Variants in COG2 observed in about 807,000 individuals in gnomAD.
COG2 encodes the protein conserved oligomeric Golgi complex subunit 2.
COG2 carries 52 observed loss-of-function variants against 90.6 expected under a neutral mutation model. The observed-to-expected ratio is 0.57, with a 90% CI of 0.46 to 0.72. COG2 has a LOEUF of 0.72. COG2 is among the 30% of genes least tolerant of loss of function. The pLI is 0.00. For missense variants in COG2, 829 were observed against 891.2 expected, an observed-to-expected ratio of 0.93 and a Z score of 0.89; for synonymous variants, 337 against 320.4, an observed-to-expected ratio of 1.05 and a Z score of -0.55.
At chr1:230,679,540 G>A (rs1438516553) in intron 10 of COG2, 1 of 152,316 alleles carries the variant, frequency 6.6e-6, no homozygotes, top group Non-Finnish European at 1.5e-5. Flanking sequence ...TTTATGAGAA[G>A]CCTGGTCATT....
chr1:230,669,044 A>G (rs1380057437), intron 6 of COG2: 1 of 453,298 alleles, frequency 2.2e-6, no homozygotes, highest in East Asian at 3.4e-5. Context: ...GATGTAGACA[A>G]TTAATTTATC....
chr1:230,663,340 A>T, intron 4 of COG2, 119 bp downstream of exon 4: 2 of 450,478 alleles, frequency 4.4e-6, no homozygotes, highest in Non-Finnish European at 7.8e-6. Context: ...GAGGAGTGTG[A>T]TGTGTCTCTT....
At chr1:230,671,388 G>A in intron 7 of COG2, 128 bp from the exon 8 acceptor site, 1 of 711,400 alleles carries the variant, frequency 1.4e-6, no homozygotes, top group Non-Finnish European at 2.3e-6. Flanking sequence ...TTTAGAAAAT[G>A]TGTCACAGGG....
intron 6 of COG2, 159 bp downstream of exon 6, chr1:230,668,943 C>A (rs1571952669): frequency 3.8e-6 from 2 of 521,548 alleles, no homozygotes; most frequent in Non-Finnish European, 3.4e-6. Context: ...AAGTGTCACA[C>A]ATTATAGATT....
At position 230,662,235 on chromosome 1, in the gene COG2, A is replaced by G. The variant is rs1292102761; in HGVS notation, c.301-906A>G. Among the ~76,000 whole-genome samples, 4 of 152,088 alleles carry G rather than the reference A, an allele frequency of 2.6e-5. No homozygotes were observed. The South Asian group carries it at 8.3e-4, about 32-fold the overall frequency. ...TTTTTCCTGATTGGTTTAGCCGTAG[A>G]CCTGTTCTTCCTTTTTGGCTTCCAA... On this transcript the variant is annotated intron_variant, in intron 3 of 17. Coordinates refer to ENST00000366669, the MANE Select transcript of COG2 (RefSeq NM_007357.3).
chr1:230,642,738 C>T (rs1214031924), intron 1 of COG2, 60 bp downstream of exon 1: 7 of 1,530,840 alleles, frequency 4.6e-6, no homozygotes, highest in African/African-American at 1.4e-5. Flanking sequence ...CCTGTGCCCT[C>T]TGTGGCGGTC....
chr1:230,643,315 C>T (rs911502253), intron 1 of COG2, among the ~76,000 whole-genome samples: 7 of 152,244 alleles, frequency 4.6e-5, no homozygotes, highest in Admixed American at 3.3e-4. Flanking sequence ...AAACACTTCA[C>T]TGATGATAAA....
chr1:230,643,672 A>G (rs2102737292), intron 1 of COG2, among the ~76,000 whole-genome samples: 2 of 152,090 alleles, frequency 1.3e-5, no homozygotes, highest in South Asian at 4.2e-4. Context: ...TTTAAAGTAG[A>G]TCTGTATCTT....
intron 10 of COG2, chr1:230,683,110 T>C (rs1662795197): frequency 6.4e-6 from 1 of 156,538 alleles, no homozygotes. Flanking sequence ...AACTGGCCAC[T>C]TCCTGTGATT....
At chr1:230,660,714 T>G (rs759567085) in intron 2 of COG2, 44 bp from the exon 3 acceptor site, 1 of 1,397,764 alleles carries the variant, frequency 7.2e-7, no homozygotes, top group Non-Finnish European at 9.8e-7. Context: ...TAGCTGTTAC[T>G]CTTGATTGTG....
intron 10 of COG2, 139 bp from the exon 11 acceptor site, chr1:230,683,435 G>T: frequency 1.8e-6 from 1 of 570,738 alleles, no homozygotes; most frequent in Non-Finnish European, 3.1e-6. Context: ...AAAAAGCCTG[G>T]GAGAATAGGC....
At chr1:230,675,773 G>A (rs1662575977) in intron 9 of COG2, among the ~76,000 whole-genome samples, 1 of 152,038 alleles carries the variant, frequency 6.6e-6, no homozygotes. Context: ...TGCTTCCTGA[G>A]TAGCTGGGAT....
chr1:230,687,593 C>T lies in COG2; in HGVS notation c.1578+461C>T, dbSNP rs1448444443. The stretch of plus-strand genomic sequence containing the variant: ...CTTTGAAAGTGCTAAAATATTAAAA[C>T]TTCTTCCTCTTTTTTCTCTGTATAG... On this transcript the variant is annotated intron_variant, in intron 13 of 17. Coordinates refer to ENST00000366669, the MANE Select transcript of COG2 (RefSeq NM_007357.3). Among the ~76,000 whole-genome samples, 4 of 152,242 alleles carry T rather than the reference C, an allele frequency of 2.6e-5. No individual in the cohort carries two copies. In the South Asian group the frequency reaches 8.3e-4, roughly 32 times the overall value.
intron 1 of COG2, among the ~76,000 whole-genome samples, chr1:230,653,987 G>T (rs181219247): frequency 2.4e-4 from 37 of 152,316 alleles, no homozygotes; most frequent in African/African-American, 5.3e-4. Context: ...TTTCTTGTAT[G>T]TTTAAGTTCT....
At chr1:230,655,222 T>C (rs927286898) in intron 1 of COG2, among the ~76,000 whole-genome samples, 1 of 152,234 alleles carries the variant, frequency 6.6e-6, no homozygotes, top group Non-Finnish European at 1.5e-5. Flanking sequence ...CAGTATGATA[T>C]TGGCTGTGGG....
In COG2 at chr1:230,691,103, C is replaced by CCA. The variant is rs780226655; in HGVS notation, c.1935-270_1935-269dup. Reference sequence around the variant, plus strand: ...TCAGGATTAAAAATTTAAGCAAAATCCACACACACACATATTTCTTAAATT... The same window carrying CCA: ...TCAGGATTAAAAATTTAAGCAAAATCCACACACACACACATATTTCTTAAATT... On this transcript the variant is annotated intron_variant, in intron 16 of 17. Transcript: ENST00000366669. Among the ~76,000 whole-genome samples the CCA allele has an allele frequency of 3.3e-5, 5 of 151,698 alleles. No homozygotes were observed. The South Asian group carries it at 8.3e-4, about 25-fold the overall frequency.
At chr1:230,687,961 T>C (rs1269191742) in intron 13 of COG2, 110 bp from the exon 14 acceptor site, 3 of 681,998 alleles carry the variant, frequency 4.4e-6, no homozygotes, top group African/African-American at 3.8e-5. Context: ...TTCCTGATTT[T>C]AAGTTCACCA....
intron 3 of COG2, among the ~76,000 whole-genome samples, chr1:230,662,238 T>TGATTG (rs1662197855): frequency 2.0e-5 from 3 of 152,206 alleles, no homozygotes; most frequent in Non-Finnish European, 4.4e-5. Flanking sequence ...GCCGTAGACC[T>TGATTG]GTTCTTCCTT....
At chr1:230,648,326 C>G (rs1661838717) in intron 1 of COG2, among the ~76,000 whole-genome samples, 1 of 152,212 alleles carries the variant, frequency 6.6e-6, no homozygotes, top group Middle Eastern at 3.2e-3. Flanking sequence ...ACAGCATGTG[C>G]CATCATTTCA....
Sources: allele counts gnomAD v4.1 joint callset (sites outside exome capture counted in the v4.1 genomes callset), GRCh38; gene constraint gnomAD v4.1.1; transcripts MANE v1.5; gene names NCBI Gene and HGNC (gene_info 2026-07-23, HGNC 2026-07-21).